The following IFT52 variants were observed in gnomAD, a reference collection of about 807,000 sequenced individuals.
The protein encoded by IFT52 is intraflagellar transport protein 52 homolog.
A neutral mutation model predicts 54.4 loss-of-function variants in IFT52; 44 were observed. That is an observed-to-expected ratio of 0.81 (90% CI 0.63 to 1.04). The LOEUF is 1.04. IFT52 is among the 50% of genes least tolerant of loss of function. The probability of loss-of-function intolerance (pLI) is 0.00; values close to 1 mark genes in which losing one functional copy is unlikely to be tolerated. For missense variants in IFT52, 452 were observed against 523.6 expected, an observed-to-expected ratio of 0.86 and a Z score of 1.33; for synonymous variants, 181 against 185.3, an observed-to-expected ratio of 0.98 and a Z score of 0.19.
At chr20:43,593,703 G>T (rs1230273858) in intron 1 of IFT52, among the ~76,000 whole-genome samples, 1 of 152,058 alleles carries the variant, frequency 6.6e-6, no homozygotes, top group Non-Finnish European at 1.5e-5. Flanking sequence ...CCGAATAGCT[G>T]GGACTACAGA....
chr20:43,617,479 T>G (rs57158937), intron 7 of IFT52, among the ~76,000 whole-genome samples: 2,438 of 152,062 alleles, frequency 0.016, 68 homozygotes, highest in African/African-American at 0.056. Context: ...AGTCTCACTC[T>G]GTCGCCCAGG....
At chr20:43,625,206 T>C (rs1297666262) in intron 10 of IFT52, among the ~76,000 whole-genome samples, 1 of 152,008 alleles carries the variant, frequency 6.6e-6, no homozygotes, top group Non-Finnish European at 1.5e-5. Flanking sequence ...GCCAGGCACA[T>C]TGCATTTTAA....
chr20:43,624,227 G>T, intron 10 of IFT52, 182 bp downstream of exon 10: 1 of 668,750 alleles, frequency 1.5e-6, no homozygotes, highest in Non-Finnish European at 2.6e-6. Flanking sequence ...TAGAGGAACT[G>T]CCAGAGGTTA....
chr20:43,638,306 T>A (rs573709947), intron 12 of IFT52, among the ~76,000 whole-genome samples: 1 of 152,180 alleles, frequency 6.6e-6, no homozygotes, highest in African/African-American at 2.4e-5. Flanking sequence ...TTCTCCTGCC[T>A]CAGCCTCCCA....
At chr20:43,639,031 A>G (rs536426558) in intron 12 of IFT52, among the ~76,000 whole-genome samples, 5 of 152,336 alleles carry the variant, frequency 3.3e-5, no homozygotes, top group African/African-American at 9.6e-5. Flanking sequence ...GGAATCACAG[A>G]ACGGTGAAGA....
At chr20:43,604,767 AACTT>A (rs1167917599) in intron 5 of IFT52, among the ~76,000 whole-genome samples, 10 of 152,046 alleles carry the variant, frequency 6.6e-5, no homozygotes, top group South Asian at 2.1e-4. Flanking sequence ...CATCTTTTGA[AACTT>A]ACTTCACATT....
intron 6 of IFT52, among the ~76,000 whole-genome samples, chr20:43,607,275 C>G (rs1363876117): frequency 6.6e-6 from 1 of 151,358 alleles, no homozygotes; most frequent in Non-Finnish European, 1.5e-5. Flanking sequence ...ACCCCCCCAC[C>G]TCCCTCCCGG....
At chr20:43,624,473 GT>G (rs1392610162) in intron 10 of IFT52, among the ~76,000 whole-genome samples, 1 of 152,210 alleles carries the variant, frequency 6.6e-6, no homozygotes, top group Non-Finnish European at 1.5e-5. Context: ...AATGGGCTGT[GT>G]TCTGGGCACT....
chr20:43,591,224 G>A (rs1397234267), intron 1 of IFT52, among the ~76,000 whole-genome samples, 170 bp downstream of exon 1: 1 of 152,226 alleles, frequency 6.6e-6, no homozygotes, highest in African/African-American at 2.4e-5. Context: ...TGGCGCCCCG[G>A]CTGGGCGCCC....
At chr20:43,635,707 A>G (rs1002002515) in intron 10 of IFT52, among the ~76,000 whole-genome samples, 5 of 152,196 alleles carry the variant, frequency 3.3e-5, no homozygotes. Flanking sequence ...TGCTATTGTG[A>G]ATAGTGCTGC....
chr20:43,599,205 G>C (rs1982235024), intron 3 of IFT52, among the ~76,000 whole-genome samples: 1 of 152,116 alleles, frequency 6.6e-6, no homozygotes, highest in Non-Finnish European at 1.5e-5. Context: ...TGCTTGTTGG[G>C]CTTCGGCTCC....
chr20:43,607,102 A>G (rs1601035108), intron 6 of IFT52, among the ~76,000 whole-genome samples: 1 of 152,004 alleles, frequency 6.6e-6, no homozygotes, highest in Non-Finnish European at 1.5e-5. Flanking sequence ...TGTTGGGTAC[A>G]CCTCCCAGAC....
At chr20:43,627,930 T>G (rs1478101792) in intron 10 of IFT52, among the ~76,000 whole-genome samples, 2 of 143,520 alleles carry the variant, frequency 1.4e-5, no homozygotes, top group African/African-American at 5.1e-5. Flanking sequence ...GAGTTTTTTT[T>G]TTTTTTTTTT....
At chr20:43,601,668 A>C (rs1450965236) in intron 3 of IFT52, among the ~76,000 whole-genome samples, 1 of 152,254 alleles carries the variant, frequency 6.6e-6, no homozygotes, top group African/African-American at 2.4e-5. Flanking sequence ...AAGTCCCAGT[A>C]GAATTTCCCA....
intron 3 of IFT52, among the ~76,000 whole-genome samples, chr20:43,598,731 C>T (rs1982197243): frequency 6.6e-6 from 1 of 152,030 alleles, no homozygotes; most frequent in Non-Finnish European, 1.5e-5. Flanking sequence ...GAACTATATA[C>T]TTCAGAATGG....
chr20:43,601,770 G>A (rs1434882569), intron 3 of IFT52, among the ~76,000 whole-genome samples: 1 of 152,196 alleles, frequency 6.6e-6, no homozygotes, highest in African/African-American at 2.4e-5. Context: ...AGGGCTGTCT[G>A]GGAAGAGGAG....
chr20:43,609,569 C>G (rs1983252264), intron 6 of IFT52, among the ~76,000 whole-genome samples: 1 of 151,974 alleles, frequency 6.6e-6, no homozygotes, highest in Admixed American at 6.6e-5. Flanking sequence ...ATCAGGCGTT[C>G]AAGACCAGCC....
intron 13 of IFT52, among the ~76,000 whole-genome samples, chr20:43,645,538 C>T (rs1986147467): frequency 1.9e-5 from 1 of 52,986 alleles, no homozygotes; most frequent in Admixed American, 2.2e-4. Context: ...GCCTGGGTGA[C>T]AGAGTAAGAC....
chr20:43,596,311 C>T (rs948558601), intron 2 of IFT52, 124 bp from the exon 3 acceptor site: 5 of 612,842 alleles, frequency 8.2e-6, no homozygotes, highest in Admixed American at 3.2e-5. Flanking sequence ...GGACCAGTTA[C>T]CTCTAAATCC....
Sources: allele counts gnomAD v4.1 joint callset (sites outside exome capture counted in the v4.1 genomes callset), GRCh38; gene constraint gnomAD v4.1.1; transcripts MANE v1.5; gene names NCBI Gene and HGNC (gene_info 2026-07-23, HGNC 2026-07-21).